Variants in PIP4P2 observed in about 807,000 individuals in gnomAD.
The protein encoded by PIP4P2 is phosphatidylinositol-4,5-bisphosphate 4-phosphatase 2.
PIP4P2 carries 19 observed loss-of-function variants against 33.3 expected under a neutral mutation model. The ratio of observed to expected loss-of-function variants is 0.57; its 90% CI spans 0.40 to 0.84. The LOEUF is 0.84. Among genes scored for constraint, PIP4P2 ranks in the 40% least tolerant of loss-of-function variants. PIP4P2 has a pLI of 0.00. For missense variants in PIP4P2, 270 were observed against 324.7 expected (o/e 0.83, Z 1.29); for synonymous variants, 110 against 111.9 (o/e 0.98, Z 0.11).
chr8:91,040,675 G>A lies in PIP4P2; in HGVS notation c.75C>T (p.Ala25=). Residue 25 remains alanine, a synonymous_variant, in exon 1 of 7, where the codon GCC becomes GCT. Transcript: ENST00000285419. The part of the protein sequence containing the change: ...ASHSGNVTPT[A]PPYLQESSPR... ...GGCTGCTTTCTTGCAAGTACGGTGG[G>A]GCGGTGGGAGTGACATTTCCGGAGT... The A allele has an allele frequency of 6.2e-7, 1 of 1,613,602 alleles. No individual in the cohort carries two copies.
chr8:91,029,778 G>A (rs979860694), intron 1 of PIP4P2, among the ~76,000 whole-genome samples: 1 of 152,050 alleles, frequency 6.6e-6, no homozygotes, highest in Non-Finnish European at 1.5e-5. Context: ...AGACCATCCT[G>A]GCTAACACGG....
At chr8:91,003,948 GAGAT>G (rs74275339) in intron 5 of PIP4P2, among the ~76,000 whole-genome samples, 32,740 of 137,912 alleles carry the variant, frequency 0.24, 3,835 homozygotes, top group Non-Finnish European at 0.26. Context: ...GAACCAACAG[GAGAT>G]AGATAGATAG....
intron 4 of PIP4P2, among the ~76,000 whole-genome samples, chr8:91,016,286 T>C (rs551110785): frequency 6.6e-6 from 1 of 150,812 alleles, no homozygotes; most frequent in East Asian, 1.9e-4. Flanking sequence ...CACTAAATAA[T>C]ATGAAAAAAC....
At chr8:91,001,505 G>A (rs1050892052) in intron 5 of PIP4P2, among the ~76,000 whole-genome samples, 1 of 146,968 alleles carries the variant, frequency 6.8e-6, no homozygotes, top group Non-Finnish European at 1.5e-5. Flanking sequence ...GTATGGCTAA[G>A]TTTTTTTTTT....
rs183096972 is a variant in PIP4P2 at position 91,037,040 on chromosome 8, C to G, written c.106+3604G>C. ...GTTACTTTCCCCAGAGTGTACTTTA[C>G]AAAAGACCAAGATAAAAGCTGTAAA... On this transcript the variant is annotated intron_variant, in intron 1 of 6. Coordinates refer to ENST00000285419, the MANE Select transcript of PIP4P2 (RefSeq NM_018710.3). 1.2e-4 allele frequency among the ~76,000 whole-genome samples: 19 copies of G among 152,304 alleles called. No individual in the cohort carries two copies. In the East Asian group the frequency reaches 3.3e-3, roughly 26 times the overall value.
At chr8:91,024,026 G>A (rs1010374148) in intron 1 of PIP4P2, among the ~76,000 whole-genome samples, 2 of 152,018 alleles carry the variant, frequency 1.3e-5, no homozygotes, top group African/African-American at 4.8e-5. Flanking sequence ...TGGAAAACAA[G>A]GGCTTCTTTT....
At chr8:91,016,083 T>C (rs1811910836) in intron 4 of PIP4P2, among the ~76,000 whole-genome samples, 1 of 152,234 alleles carries the variant, frequency 6.6e-6, no homozygotes, top group South Asian at 2.1e-4. Flanking sequence ...GAAAAGTTAC[T>C]ATTTACTCCT....
At chr8:91,032,821 T>C (rs1164831538) in intron 1 of PIP4P2, among the ~76,000 whole-genome samples, 2 of 150,670 alleles carry the variant, frequency 1.3e-5, no homozygotes, top group African/African-American at 2.4e-5. Flanking sequence ...ACAAAACACC[T>C]GAGCACAAGG....
chr8:91,001,580 T>C (rs1274965561), intron 5 of PIP4P2, among the ~76,000 whole-genome samples: 1 of 152,110 alleles, frequency 6.6e-6, no homozygotes, highest in African/African-American at 2.4e-5. Flanking sequence ...AACACTCACA[T>C]ATACATTTCT....
At chr8:91,028,102 A>C (rs986222911) in intron 1 of PIP4P2, among the ~76,000 whole-genome samples, 1 of 152,190 alleles carries the variant, frequency 6.6e-6, no homozygotes, top group African/African-American at 2.4e-5. Context: ...TTGCAAGAAG[A>C]AGTAGTGGAT....
At chr8:91,014,586 T>C (rs1335331589) in intron 4 of PIP4P2, among the ~76,000 whole-genome samples, 2 of 151,994 alleles carry the variant, frequency 1.3e-5, no homozygotes, top group Non-Finnish European at 1.5e-5. Flanking sequence ...TTGCCAGGCA[T>C]TGAGGTGGGT....
chr8:91,024,529 T>A (rs1448748403), intron 1 of PIP4P2, among the ~76,000 whole-genome samples: 1 of 152,114 alleles, frequency 6.6e-6, no homozygotes, highest in African/African-American at 2.4e-5. Context: ...GCTTAAGTGA[T>A]CTTCTCACCT....
At chr8:91,032,780 C>CAAAAA (rs34482470) in intron 1 of PIP4P2, among the ~76,000 whole-genome samples, 4 of 98,732 alleles carry the variant, frequency 4.1e-5, no homozygotes, top group East Asian at 3.2e-4. Flanking sequence ...GAGTCTGTCT[C>CAAAAA]AAAAAAAAAA....
In PIP4P2 at chr8:91,008,768, CCAGAGTGTTGA is replaced by C; in HGVS notation, c.503_513del (p.Phe168CysfsTer14). On this transcript the variant is annotated frameshift_variant, in exon 5 of 7. Transcript: ENST00000285419. LOFTEE classifies it high-confidence loss of function. ...ATTTTTTTGCAGTGTGGGCATTTTG[CCAGAGTGTTGA>C]ACCTCAGTTCCATCCACTGTAAAAT... is the stretch of plus-strand genomic sequence containing the variant. 6.2e-7 allele frequency: 1 copy of C among 1,608,304 alleles called. No homozygotes were observed. The highest frequency in any genetic ancestry group is 8.5e-7 in the Non-Finnish European group (1 of 1,175,964).
At chr8:91,004,830 G>C (rs961726897) in intron 5 of PIP4P2, among the ~76,000 whole-genome samples, 22 of 152,122 alleles carry the variant, frequency 1.4e-4, no homozygotes, top group African/African-American at 4.6e-4. Flanking sequence ...GCAATTCATT[G>C]GATGAGACCT....
At chr8:90,999,068 G>GA (rs895746992) in intron 5 of PIP4P2, among the ~76,000 whole-genome samples, 9 of 149,176 alleles carry the variant, frequency 6.0e-5, no homozygotes, top group South Asian at 4.2e-4. Flanking sequence ...ACTTAAACAA[G>GA]AAAAAAAAAC....
intron 3 of PIP4P2, among the ~76,000 whole-genome samples, chr8:91,019,931 C>T (rs1811982096): frequency 1.3e-5 from 2 of 152,102 alleles, no homozygotes; most frequent in African/African-American, 2.4e-5. Context: ...TTACATAACA[C>T]AAAGAAAACA....
chr8:91,029,877 G>A (rs951006013), intron 1 of PIP4P2, among the ~76,000 whole-genome samples: 5 of 152,146 alleles, frequency 3.3e-5, no homozygotes, highest in Admixed American at 3.3e-4. Flanking sequence ...TGAGGTAGGA[G>A]AATGGCGTGA....
chr8:91,012,177 C>T (rs28675099), intron 4 of PIP4P2, among the ~76,000 whole-genome samples: 73,037 of 151,668 alleles, frequency 0.48, 20,563 homozygotes, highest in Non-Finnish European at 0.64. Flanking sequence ...CTGTATTAGA[C>T]TAAATATTAG....
Sources: gnomAD v4.1 joint callset for allele counts (sites outside exome capture counted in the v4.1 genomes callset) on GRCh38, gnomAD v4.1.1 for gene constraint, MANE v1.5 for transcripts, NCBI Gene and HGNC (gene_info 2026-07-23, HGNC 2026-07-21) for gene names.